Variants in SLC36A1 observed in about 807,000 individuals in gnomAD.
SLC36A1 encodes the protein solute carrier family 36 member 1, also known as proton-coupled amino acid transporter 1.
In SLC36A1, 30 loss-of-function variants were observed where a neutral mutation model predicts 47.5. That is an observed-to-expected ratio of 0.63 (90% CI 0.47 to 0.86). The LOEUF (loss-of-function observed/expected upper bound fraction) is 0.86. Ranked by LOEUF, SLC36A1 falls within the 40% of genes least tolerant of loss-of-function variation. The pLI is 0.00. For synonymous variants in SLC36A1, 255 were observed against 249.7 expected (o/e 1.02, Z -0.20); for missense variants, 517 against 606.0 (o/e 0.85, Z 1.54).
chr5:151,554,348 T>C, the SLC36A1 span: 2 of 1,604,302 alleles, frequency 1.2e-6, no homozygotes, highest in Non-Finnish European at 1.7e-6. Context: ...CGTGGCTTCC[T>C]TCTGTCTGCT....
chr5:151,437,989 T>C (rs1759871739), intron 1 of SLC36A1, among the ~76,000 whole-genome samples: 1 of 152,176 alleles, frequency 6.6e-6, no homozygotes, highest in African/African-American at 2.4e-5. Context: ...CTCTCCTCTC[T>C]GACCCTCCTG....
At chr5:151,515,122 G>C in the SLC36A1 span, among the ~76,000 whole-genome samples, 1 of 152,044 alleles carries the variant, frequency 6.6e-6, no homozygotes, top group Non-Finnish European at 1.5e-5. Context: ...TCTCTGTGTT[G>C]CCAAATCACT....
chr5:151,436,092 C>T (rs979647450), upstream of SLC36A1, among the ~76,000 whole-genome samples: 2 of 150,386 alleles, frequency 1.3e-5, no homozygotes, highest in African/African-American at 5.0e-5. Flanking sequence ...ATGAACATCC[C>T]TCTAAGGTAG....
At chr5:151,358,799 C>A in the SLC36A1 span, among the ~76,000 whole-genome samples, 1,634 of 151,338 alleles carry the variant, frequency 0.011, 63 homozygotes, top group East Asian at 0.15. Context: ...AGGTGAAACC[C>A]CGTCTCTACT....
chr5:151,345,532 G>A, the SLC36A1 span, among the ~76,000 whole-genome samples: 1 of 152,120 alleles, frequency 6.6e-6, no homozygotes, highest in Non-Finnish European at 1.5e-5. Context: ...ATTCATCAAG[G>A]GTTAAAGAGA....
chr5:151,453,147 C>T lies in SLC36A1; in HGVS notation c.-6+5334C>T, dbSNP rs185610042. Among the ~76,000 whole-genome samples the T allele has an allele frequency of 4.4e-3, 643 of 145,832 alleles. 6 individuals carry two copies. Among genetic ancestry groups the T allele is most frequent in the African/African-American group, 0.015 (585 of 39,532 alleles). On this transcript the variant is annotated intron_variant, in intron 1 of 10. Transcript: ENST00000243389. ...TGAACCTGGGAGGCGGAGGTTGCAG[C>T]GAGCCAAGATCGCACCACTGCACTC...
At chr5:151,395,090 C>T in the SLC36A1 span, among the ~76,000 whole-genome samples, 1 of 152,226 alleles carries the variant, frequency 6.6e-6, no homozygotes, top group South Asian at 2.1e-4. Flanking sequence ...TTTACCTACT[C>T]AAGCCTGAGC....
the SLC36A1 span, chr5:151,553,069 G>A: frequency 3.0e-5 from 34 of 1,136,978 alleles, no homozygotes; most frequent in Middle Eastern, 2.4e-4. Flanking sequence ...AGGGGCTGCC[G>A]AGGAGCCCGA....
chr5:151,382,219 G>A, the SLC36A1 span: 1 of 1,262,900 alleles, frequency 7.9e-7, no homozygotes, highest in Admixed American at 1.7e-5. Context: ...AACCTCATCT[G>A]CAAGTGCGGG....
chr5:151,430,573 C>T, the SLC36A1 span, among the ~76,000 whole-genome samples: 3 of 152,104 alleles, frequency 2.0e-5, 1 homozygote, highest in Admixed American at 6.5e-5. Flanking sequence ...ATCCACCTGC[C>T]TTGGCCTCCC....
At chr5:151,505,528 C>T in the SLC36A1 span, 1 of 1,612,500 alleles carries the variant, frequency 6.2e-7, no homozygotes, top group Non-Finnish European at 8.5e-7. Context: ...AAGTCCAGTC[C>T]TTGGCCTCCC....
the SLC36A1 span, chr5:151,378,342 G>T: frequency 5.2e-6 from 1 of 193,534 alleles, no homozygotes. Context: ...CTCCTCGTCT[G>T]TTAAATCCTG....
chr5:151,391,259 C>G, the SLC36A1 span, among the ~76,000 whole-genome samples: 2 of 152,114 alleles, frequency 1.3e-5, no homozygotes, highest in Non-Finnish European at 2.9e-5. Flanking sequence ...GATTTTTTAT[C>G]CTGAGACTTT....
At chr5:151,399,424 T>C in the SLC36A1 span, among the ~76,000 whole-genome samples, 1 of 152,096 alleles carries the variant, frequency 6.6e-6, no homozygotes, top group Non-Finnish European at 1.5e-5. Context: ...GTTTGAGGGA[T>C]GTGTGTATTT....
chr5:151,499,337 T>A, the SLC36A1 span, among the ~76,000 whole-genome samples: 1 of 152,094 alleles, frequency 6.6e-6, no homozygotes, highest in Non-Finnish European at 1.5e-5. Context: ...GCACCACAGG[T>A]GATGGACCAG....
Position 151,488,514 on chromosome 5 carries a change from C to A in SLC36A1, c.*260C>A. On this transcript the variant is annotated 3_prime_UTR_variant, in exon 11 of 11. Transcript: ENST00000243389. ...TATTTACACCCAGAACTTTCCAGCT[C>A]CCCCTCATCATGCCTCCTCCTTCCT... 1 of 499,696 alleles carries A rather than the reference C, an allele frequency of 2.0e-6. No individual in the cohort carries two copies. 31.0% of individuals were successfully genotyped at this position (499,696 alleles called of 1,614,324 possible).
chr5:151,351,188 G>A, the SLC36A1 span, among the ~76,000 whole-genome samples: 4 of 152,126 alleles, frequency 2.6e-5, no homozygotes, highest in African/African-American at 4.8e-5. Flanking sequence ...AGGTCATTTC[G>A]TTGACTCATA....
the SLC36A1 span, among the ~76,000 whole-genome samples, chr5:151,497,571 A>G: frequency 6.6e-6 from 1 of 152,170 alleles, no homozygotes; most frequent in African/African-American, 2.4e-5. Flanking sequence ...CATATGCATA[A>G]CTTCTATTTT....
chr5:151,511,584 G>A, the SLC36A1 span: 1 of 154,014 alleles, frequency 6.5e-6, no homozygotes. Flanking sequence ...GTGCGAGGGT[G>A]GAGAGGGAAA....
Sources: gnomAD v4.1 joint callset for allele counts (sites outside exome capture counted in the v4.1 genomes callset) on GRCh38, gnomAD v4.1.1 for gene constraint, MANE v1.5 for transcripts, NCBI Gene and HGNC (gene_info 2026-07-23, HGNC 2026-07-21) for gene names.